Variants in CNN3 observed in about 807,000 individuals in gnomAD.
CNN3 encodes calponin-3.
Under a neutral mutation model 39.0 loss-of-function variants are expected in CNN3, and 11 were observed. That is an observed-to-expected ratio of 0.28 (90% CI 0.18 to 0.47). The LOEUF (loss-of-function observed/expected upper bound fraction) is 0.47. Among genes scored for constraint, CNN3 ranks in the 20% least tolerant of loss-of-function variants. CNN3 has a pLI of 0.99. For synonymous variants in CNN3, 101 were observed against 138.3 expected (o/e 0.73, Z 1.89); for missense variants, 266 against 403.4 (o/e 0.66, Z 2.92).
intron 6 of CNN3, among the ~76,000 whole-genome samples, chr1:94,898,369 C>A (rs1269324660): frequency 6.6e-6 from 1 of 152,140 alleles, no homozygotes; most frequent in East Asian, 1.9e-4. Flanking sequence ...GTTTCTCAAA[C>A]TGCAAAATGG....
intron 3 of CNN3, among the ~76,000 whole-genome samples, 179 bp downstream of exon 3, chr1:94,902,942 CA>C (rs1670906420): frequency 6.6e-6 from 1 of 151,374 alleles, no homozygotes; most frequent in South Asian, 2.1e-4. Context: ...ATTACAGAAC[CA>C]TTACAAAAGG....
At chr1:94,922,483 G>A (rs1020209905) in intron 1 of CNN3, among the ~76,000 whole-genome samples, 9 of 152,128 alleles carry the variant, frequency 5.9e-5, no homozygotes, top group African/African-American at 1.4e-4. Flanking sequence ...ACACACCCGC[G>A]AATAAGAGAG....
intron 1 of CNN3, among the ~76,000 whole-genome samples, chr1:94,922,582 G>C (rs911427727): frequency 7.9e-5 from 12 of 152,078 alleles, no homozygotes; most frequent in Non-Finnish European, 1.6e-4. Flanking sequence ...AGTTTAAAAA[G>C]AAAAAAGCTA....
chr1:94,907,847 A>G (rs186834734), intron 1 of CNN3, among the ~76,000 whole-genome samples: 107 of 152,374 alleles, frequency 7.0e-4, no homozygotes, highest in East Asian at 2.1e-3. Flanking sequence ...GCAACAGAGC[A>G]AGACTCCGTC....
At chr1:94,925,562 T>C (rs532760727) in intron 1 of CNN3, 1 of 959,708 alleles carries the variant, frequency 1.0e-6, no homozygotes, top group Admixed American at 6.1e-5. Context: ...GACAGTATGA[T>C]GTGCAGACTA....
chr1:94,907,828 G>C (rs561490137), intron 1 of CNN3, among the ~76,000 whole-genome samples: 53 of 152,278 alleles, frequency 3.5e-4, no homozygotes, highest in East Asian at 2.9e-3. Context: ...CCACTGCACT[G>C]CAGCCTGGGC....
intron 1 of CNN3, among the ~76,000 whole-genome samples, chr1:94,925,047 T>C (rs1671542867): frequency 6.6e-6 from 1 of 152,256 alleles, no homozygotes; most frequent in African/African-American, 2.4e-5. Context: ...TGTGTATGCA[T>C]TTCCTTGGAT....
At chr1:94,911,889 G>C (rs1444257688) in intron 1 of CNN3, among the ~76,000 whole-genome samples, 1 of 152,078 alleles carries the variant, frequency 6.6e-6, no homozygotes, top group Non-Finnish European at 1.5e-5. Context: ...CGCTAACATG[G>C]TGAAACCCTG....
chr1:94,921,223 C>T (rs1171156936), intron 1 of CNN3, among the ~76,000 whole-genome samples: 1 of 152,226 alleles, frequency 6.6e-6, no homozygotes, highest in Middle Eastern at 3.4e-3. Flanking sequence ...GGTGAAACTC[C>T]AACTCTACTA....
chr1:94,918,890 C>CA (rs35284184), intron 1 of CNN3, among the ~76,000 whole-genome samples: 10,756 of 102,560 alleles, frequency 0.1, 468 homozygotes, highest in Middle Eastern at 0.13. Flanking sequence ...AAGACTGTCT[C>CA]AAAAAAAAAA....
chr1:94,897,701 T>C lies in CNN3; in HGVS notation c.*41A>G. On this transcript the variant is annotated 3_prime_UTR_variant, in exon 7 of 7. Transcript: ENST00000370206. ...CAAGGCTAGCTTGGTTCTCACTGAA[T>C]AAAAACAAAGGACTAAATACTGAGC... is the stretch of plus-strand genomic sequence containing the variant. The C allele has an allele frequency of 6.4e-7, 1 of 1,557,376 alleles. No homozygotes were observed. Among genetic ancestry groups the C allele is most frequent in the Non-Finnish European group, 8.8e-7 (1 of 1,139,142 alleles).
chr1:94,923,437 AT>A (rs1298549286), intron 1 of CNN3, among the ~76,000 whole-genome samples: 1 of 149,786 alleles, frequency 6.7e-6, no homozygotes, highest in East Asian at 1.9e-4. Flanking sequence ...ATTTGGTGTC[AT>A]TTTTTTCTTT....
At chr1:94,918,798 G>A (rs924571496) in intron 1 of CNN3, among the ~76,000 whole-genome samples, 1 of 151,856 alleles carries the variant, frequency 6.6e-6, no homozygotes, top group Non-Finnish European at 1.5e-5. Flanking sequence ...GGAGGCTGAG[G>A]TGTGAGAATT....
chr1:94,918,626 G>T (rs1255547447), intron 1 of CNN3, among the ~76,000 whole-genome samples: 1 of 152,052 alleles, frequency 6.6e-6, no homozygotes, highest in Non-Finnish European at 1.5e-5. Context: ...GGGTGCGGTG[G>T]CTCACACCTG....
intron 1 of CNN3, chr1:94,925,762 A>T: frequency 2.0e-6 from 2 of 985,404 alleles, no homozygotes; most frequent in South Asian, 9.4e-5. Flanking sequence ...GGCTCCCGGG[A>T]GGTTAATGGG....
At chr1:94,914,902 TC>T (rs1419469067) in intron 1 of CNN3, among the ~76,000 whole-genome samples, 1 of 152,102 alleles carries the variant, frequency 6.6e-6, no homozygotes, top group African/African-American at 2.4e-5. Flanking sequence ...CTTTTTTTTT[TC>T]AAGACAGTCT....
At chr1:94,902,819 TG>T (rs1670902698) in intron 3 of CNN3, among the ~76,000 whole-genome samples, 1 of 152,102 alleles carries the variant, frequency 6.6e-6, no homozygotes, top group Non-Finnish European at 1.5e-5. Flanking sequence ...CCTTAAGGTC[TG>T]GGTTGCATTT....
rs13374249 is a variant in CNN3, at chr1:94,903,344, G to C, written c.179+59C>G. 1.9e-6 allele frequency: 3 copies of C among 1,547,790 alleles called. No individual in the cohort carries two copies. The Admixed American group carries it at 5.9e-5, about 31-fold the overall frequency. ...CCCTGGGCTGAGAAGGAGAGTGAGA[G>C]AGAAGGCTGTGGAAAGAACTGGAAG... On this transcript the variant is annotated intron_variant, in intron 2 of 6. Transcript: ENST00000370206.
chr1:94,923,967 C>T (rs894639055), intron 1 of CNN3, among the ~76,000 whole-genome samples: 2 of 152,016 alleles, frequency 1.3e-5, no homozygotes. Context: ...AGTGGCAGAA[C>T]GGGGACTAGA....
Sources: allele counts gnomAD v4.1 joint callset (sites outside exome capture counted in the v4.1 genomes callset), GRCh38; gene constraint gnomAD v4.1.1; transcripts MANE v1.5; gene names NCBI Gene and HGNC (gene_info 2026-07-23, HGNC 2026-07-21).